Variants in PTP4A2 observed in about 807,000 individuals in gnomAD.
PTP4A2 encodes protein tyrosine phosphatase type IVA 2.
In PTP4A2, 2 loss-of-function variants were observed where a neutral mutation model predicts 22.9. The ratio of observed to expected loss-of-function variants is 0.09; its 90% CI spans 0.04 to 0.27. The LOEUF (loss-of-function observed/expected upper bound fraction) is 0.27, where lower values mean the gene tolerates loss of function less well. Ranked by LOEUF, PTP4A2 falls within the 10% of genes least tolerant of loss-of-function variation. The pLI is 1.00. For missense variants in PTP4A2, 103 were observed against 205.1 expected, an observed-to-expected ratio of 0.50 and a Z score of 3.04; for synonymous variants, 68 against 69.1, an observed-to-expected ratio of 0.98 and a Z score of 0.08.
rs869184547 is a variant in PTP4A2, at chr1:31,908,135, TTATATTATATATATATATATATATATA to T, written c.*690_*716del. The stretch of plus-strand genomic sequence containing the variant: ...GAAAATATATATATATATATATATA[TTATATTATATATATATATATATATATA>T]TATATATATATATATATATATATAT... On this transcript the variant is annotated 3_prime_UTR_variant, in exon 6 of 6. Coordinates refer to ENST00000647444, the MANE Select transcript of PTP4A2 (RefSeq NM_080391.4). 0.017 allele frequency: 68 copies of T among 3,964 alleles called. 14 individuals are homozygous for T. The highest frequency in any genetic ancestry group is 0.059 in the South Asian group (6 of 102). The allele number at this position is 3,964 out of a possible 1,614,324, so 0.2% of individuals were successfully genotyped here.
At chr1:31,909,954 T>C in intron 5 of PTP4A2, 84 bp downstream of exon 5, 1 of 1,259,230 alleles carries the variant, frequency 7.9e-7, no homozygotes, top group Admixed American at 2.0e-5. Flanking sequence ...TATCCCATAC[T>C]ATAAATGAAT....
At chr1:31,933,716 C>T (rs1652824410) in intron 1 of PTP4A2, 1 of 151,728 alleles carries the variant, frequency 6.6e-6, no homozygotes, top group Admixed American at 6.6e-5. Context: ...GAGTAAGACT[C>T]TGTCTGGAAG....
chr1:31,915,957 C>G lies in PTP4A2; in HGVS notation c.127G>C (p.Val43Leu). The change falls in exon 3 of 6, where the codon GTT becomes CTT. Residue 43 changes from valine (V) to leucine (L), a missense_variant. By Grantham distance (32) the Val-to-Leu change is conservative (BLOSUM62 1). Coordinates refer to ENST00000647444, the MANE Select transcript of PTP4A2 (RefSeq NM_080391.4). ...ELKKYGVTTLVRVCDATYDKA... is the reference protein window; with the variant it reads ...ELKKYGVTTLLRVCDATYDKA... ...TCATATGTAGCATCACAAACTCGAA[C>G]CAAAGTCGTCACTCCATACTTCTTA... The G allele has an allele frequency of 6.2e-7, 1 of 1,604,228 alleles. No individual in the cohort carries two copies. The highest frequency in any genetic ancestry group is 1.1e-5 in the South Asian group (1 of 89,648).
In PTP4A2 at chr1:31,908,117, T is replaced by C. The variant is rs868505475; in HGVS notation, c.*735A>G. 1 of 3,366 alleles carries C rather than the reference T, an allele frequency of 3.0e-4. No individual in the cohort carries two copies. Among genetic ancestry groups the C allele is most frequent in the African/African-American group, 1.0e-3 (1 of 994 alleles). 0.2% of individuals were successfully genotyped at this position (3,366 alleles called of 1,614,324 possible). On this transcript the variant is annotated 3_prime_UTR_variant, in exon 6 of 6. Coordinates refer to ENST00000647444, the MANE Select transcript of PTP4A2 (RefSeq NM_080391.4). The stretch of plus-strand genomic sequence containing the variant: ...AAGACTAAAAACCACCTGGAAAATA[T>C]ATATATATATATATATATTATATTA...
intron 2 of PTP4A2, among the ~76,000 whole-genome samples, chr1:31,917,333 T>A (rs1036879991): frequency 1.3e-5 from 2 of 152,224 alleles, no homozygotes; most frequent in Non-Finnish European, 2.9e-5. Flanking sequence ...CATCATTTAG[T>A]TATCTAAAGT....
At position 31,908,170 on chromosome 1, in the gene PTP4A2, A is replaced by T. The variant is rs1651321565; in HGVS notation, c.*682T>A. 6 of 10,792 alleles carry T rather than the reference A, an allele frequency of 5.6e-4. 1 individual carries two copies. Among genetic ancestry groups the T allele is most frequent in the African/African-American group, 3.2e-3 (6 of 1,880 alleles). The allele number at this position is 10,792 out of a possible 1,614,324, so 0.7% of individuals were successfully genotyped here. On this transcript the variant is annotated 3_prime_UTR_variant, in exon 6 of 6. Coordinates refer to ENST00000647444, the MANE Select transcript of PTP4A2 (RefSeq NM_080391.4). Reference sequence around the variant, plus strand: ...TATATATATATATATATATATATATATATATATATATATATATATATATAT... The same window carrying T: ...TATATATATATATATATATATATATTTATATATATATATATATATATATAT...
At chr1:31,909,307 C>T (rs182548764) in intron 5 of PTP4A2, among the ~76,000 whole-genome samples, 199 of 152,174 alleles carry the variant, frequency 1.3e-3, no homozygotes, top group Non-Finnish European at 2.1e-3. Context: ...TAGCATGATT[C>T]GTTATTCCAG....
Position 31,938,248 on chromosome 1 carries a change from G to A in PTP4A2, c.-855C>T, listed in dbSNP as rs1653038935. ...CGCCGCTGCCTCCGCTGCCGCCGCT[G>A]CCCTGTGGCGTCACCTCGCGCCGTG... On this transcript the variant is annotated 5_prime_UTR_variant, in exon 1 of 6. Coordinates refer to ENST00000647444, the MANE Select transcript of PTP4A2 (RefSeq NM_080391.4). This position sits in a 1 kb window ranked among gnomAD's most constrained non-coding sequence, Gnocchi z 4.4. 6.5e-6 allele frequency: 1 copy of A among 152,918 alleles called. No homozygotes were observed. 9.5% of individuals were successfully genotyped at this position (152,918 alleles called of 1,614,324 possible).
intron 2 of PTP4A2, among the ~76,000 whole-genome samples, chr1:31,917,518 T>C (rs567066293): frequency 6.6e-6 from 1 of 152,292 alleles, no homozygotes; most frequent in South Asian, 2.1e-4. Flanking sequence ...TGCGATAAAA[T>C]TTTTTATGGT....
chr1:31,922,684 A>G (rs1319759301), intron 1 of PTP4A2, among the ~76,000 whole-genome samples: 1 of 151,106 alleles, frequency 6.6e-6, no homozygotes, highest in African/African-American at 2.4e-5. Context: ...GGCTGAGTGC[A>G]GTGGCGCGAT....
chr1:31,922,708 A>C (rs1403137169), intron 1 of PTP4A2, among the ~76,000 whole-genome samples: 3 of 151,300 alleles, frequency 2.0e-5, no homozygotes, highest in Non-Finnish European at 4.4e-5. Context: ...GGCTCACCGC[A>C]GCCTCAACCT....
At chr1:31,911,588 A>T in intron 4 of PTP4A2, 108 bp downstream of exon 4, 1 of 1,022,438 alleles carries the variant, frequency 9.8e-7, no homozygotes, top group Non-Finnish European at 1.3e-6. Flanking sequence ...CAGGTAATTT[A>T]ATGTTATTTA....
At chr1:31,931,838 G>A (rs1301643530) in intron 1 of PTP4A2, among the ~76,000 whole-genome samples, 4 of 152,098 alleles carry the variant, frequency 2.6e-5, no homozygotes, top group African/African-American at 7.2e-5. Flanking sequence ...AAATCCTGCT[G>A]GTGACTCATA....
At chr1:31,924,357 C>A (rs1256009172) in intron 1 of PTP4A2, among the ~76,000 whole-genome samples, 1 of 152,162 alleles carries the variant, frequency 6.6e-6, no homozygotes, top group Non-Finnish European at 1.5e-5. Flanking sequence ...TAAAAACAAG[C>A]TTCTGTTCCC....
chr1:31,918,284 C>T (rs527904020), intron 2 of PTP4A2, among the ~76,000 whole-genome samples: 1 of 152,004 alleles, frequency 6.6e-6, no homozygotes, highest in South Asian at 2.1e-4. Context: ...AATGCTTGCT[C>T]AAAGAAGTAC....
chr1:31,920,623 C>T (rs781712526), intron 1 of PTP4A2, among the ~76,000 whole-genome samples: 1 of 150,154 alleles, frequency 6.7e-6, no homozygotes, highest in Admixed American at 6.6e-5. Flanking sequence ...CTGCAACCTC[C>T]GCCCCCCAGG....
intron 3 of PTP4A2, chr1:31,913,813 G>A: frequency 2.2e-6 from 1 of 456,132 alleles, no homozygotes; most frequent in Non-Finnish European, 4.4e-6. Flanking sequence ...AACAGACTAT[G>A]GTCAATCCAG....
intron 5 of PTP4A2, 38 bp from the exon 6 acceptor site, chr1:31,908,998 A>G (rs778440356): frequency 6.9e-7 from 1 of 1,454,416 alleles, no homozygotes; most frequent in Non-Finnish European, 9.7e-7. Context: ...TCATGTAAAA[A>G]AAGAGCTGTC....
Position 31,907,489 on chromosome 1 carries a change from A to C in PTP4A2, c.*1363T>G, listed in dbSNP as rs1434343590. 6.6e-6 allele frequency: 1 copy of C among 152,192 alleles called. No individual in the cohort carries two copies. The highest frequency in any genetic ancestry group is 1.9e-4 in the East Asian group (1 of 5,188). 9.4% of individuals were successfully genotyped at this position (152,192 alleles called of 1,614,324 possible). A position where few individuals can be genotyped will look rare whatever the true frequency, so the allele number is the denominator to read the frequency against. On this transcript the variant is annotated 3_prime_UTR_variant, in exon 6 of 6. Transcript: ENST00000647444. ...GTCCCTTCACTACTCATTGGGTTGC[A>C]CGATGTCTCTCTTCTACCCTGTTAT...
Sources: gnomAD v4.1 joint callset for allele counts (sites outside exome capture counted in the v4.1 genomes callset) on GRCh38, gnomAD v4.1.1 for gene constraint, Gnocchi (gnomAD v3.1) non-coding constraint, MANE v1.5 for transcripts, NCBI Gene and HGNC (gene_info 2026-07-23, HGNC 2026-07-21) for gene names.